The following USH1G variants were observed in gnomAD, a reference collection of about 807,000 sequenced individuals.
USH1G encodes USH1 protein network component sans, also known as pre-mRNA splicing regulator USH1G.
In USH1G, 27 loss-of-function variants were observed where a neutral mutation model predicts 31.9. That is an observed-to-expected ratio of 0.85 (90% confidence interval 0.62 to 1.17). The LOEUF (loss-of-function observed/expected upper bound fraction) is 1.17, where lower values mean the gene tolerates loss of function less well. Among genes scored for constraint, USH1G ranks in the 50% most tolerant of loss-of-function variants. USH1G has a pLI of 0.00. For missense variants in USH1G, 674 were observed against 638.9 expected, an observed-to-expected ratio of 1.05 and a Z score of -0.59; for synonymous variants, 266 against 283.2, an observed-to-expected ratio of 0.94 and a Z score of 0.61.
chr17:74,919,939 G>A lies in USH1G; in HGVS notation c.897C>T (p.Thr299=), dbSNP rs1342881435. The A allele has an allele frequency of 6.2e-7, 1 of 1,612,094 alleles. No homozygotes were observed. Among genetic ancestry groups the A allele is most frequent in the Non-Finnish European group, 8.5e-7 (1 of 1,179,210 alleles). ...AAEPAHSEVS[T]DSGHDSLFTR... Reference sequence around the variant, plus strand: ...TAAACAGGGAGTCGTGGCCTGAGTCGGTGCTGACCTCCGAGTGGGCAGGCT... The same window carrying A: ...TAAACAGGGAGTCGTGGCCTGAGTCAGTGCTGACCTCCGAGTGGGCAGGCT... The change falls in exon 2 of 3, where the codon ACC becomes ACT. Residue 299 remains threonine, a synonymous_variant. Coordinates refer to ENST00000614341, the MANE Select transcript of USH1G (RefSeq NM_173477.5). This position sits in a 1 kb window ranked among gnomAD's most constrained non-coding sequence, Gnocchi z 4.5.
rs1346189372 is a variant in USH1G, at chr17:74,919,908, G to A, written c.928C>T (p.Pro310Ser). The change falls in exon 2 of 3, where the codon CCC (proline) becomes TCC (serine). Residue 310 changes from proline (P) to serine (S), a missense_variant. Coordinates refer to ENST00000614341, the MANE Select transcript of USH1G (RefSeq NM_173477.5). This position sits in a 1 kb window ranked among gnomAD's most constrained non-coding sequence, Gnocchi z 4.5. ...CGGAACACCATGGTGCCCAGGCCGGGGCGGGTAAACAGGGAGTCGTGGCCT... is the reference window on the plus strand; with the variant it reads ...CGGAACACCATGGTGCCCAGGCCGGAGCGGGTAAACAGGGAGTCGTGGCCT... ...DSGHDSLFTR[P>S]GLGTMVFRRN... 2 of 1,613,236 alleles carry A rather than the reference G, an allele frequency of 1.2e-6. No homozygotes were observed. Among genetic ancestry groups the A allele is most frequent in the Non-Finnish European group, 1.7e-6 (2 of 1,179,898 alleles).
rs1001895630 is a variant in USH1G, at chr17:74,921,325, A to C, written c.165-654T>G. ...ACTGGAGGGGAGGAGGAGGGAAATC[A>C]GCTGCCCGTGCTCCGAAGCCCTCCC... On this transcript the variant is annotated intron_variant, in intron 1 of 2. Coordinates refer to ENST00000614341, the MANE Select transcript of USH1G (RefSeq NM_173477.5). This position sits in a 1 kb window ranked among gnomAD's most constrained non-coding sequence, Gnocchi z 4.6. Among the ~76,000 whole-genome samples, 7 of 151,996 alleles carry C rather than the reference A, an allele frequency of 4.6e-5. No homozygotes were observed. Among genetic ancestry groups the C allele is most frequent in the Non-Finnish European group, 1.0e-4 (7 of 67,938 alleles).
chr17:74,923,062 C>A lies in USH1G; in HGVS notation c.12G>T (p.Gln4His). 6.3e-7 allele frequency: 1 copy of A among 1,585,288 alleles called. No homozygotes were observed. Among genetic ancestry groups the A allele is most frequent in the Non-Finnish European group, 8.6e-7 (1 of 1,164,552 alleles). MND[Q>H]YHRAARDGYL... ...AGCCATCCCGGGCTGCCCGGTGGTA[C>A]TGGTCGTTCATGGCGCCCGAAGTGG... Residue 4 changes from glutamine to histidine, a missense_variant, in exon 1 of 3, where the codon CAG becomes CAT. Transcript: ENST00000614341. This position sits in a 1 kb window ranked among gnomAD's most constrained non-coding sequence, Gnocchi z 5.3.
chr17:74,919,925 T>C lies in USH1G; in HGVS notation c.911A>G (p.Asp304Gly), dbSNP rs2038916064. 1 of 1,611,610 alleles carries C rather than the reference T, an allele frequency of 6.2e-7. No homozygotes were observed. The highest frequency in any genetic ancestry group is 8.5e-7 in the Non-Finnish European group (1 of 1,179,476). ...HSEVSTDSGH[D>G]SLFTRPGLGT... ...CAGGCCGGGGCGGGTAAACAGGGAG[T>C]CGTGGCCTGAGTCGGTGCTGACCTC... The change falls in exon 2 of 3, where the codon GAC becomes GGC. Residue 304 changes from aspartate (D) to glycine (G), a missense_variant. Transcript: ENST00000614341. The surrounding 1 kb of genome is among the most constrained non-coding windows in gnomAD (Gnocchi z 4.5).
chr17:74,922,321 T>G (rs1248746889), intron 1 of USH1G, among the ~76,000 whole-genome samples: 1 of 148,586 alleles, frequency 6.7e-6, no homozygotes, highest in Non-Finnish European at 1.5e-5. Context: ...CCTCCACCAT[T>G]GCTTAGCTGT....
In USH1G at chr17:74,917,910, C is replaced by G; in HGVS notation, c.*163G>C. On this transcript the variant is annotated 3_prime_UTR_variant, in exon 3 of 3. Coordinates refer to ENST00000614341, the MANE Select transcript of USH1G (RefSeq NM_173477.5). ...GCCCCTCTGGTGCCTCCAGGCCACACCCTCAGCTTCAAGGTGCAGACAGAC... is the reference window on the plus strand; with the variant it reads ...GCCCCTCTGGTGCCTCCAGGCCACAGCCTCAGCTTCAAGGTGCAGACAGAC... 2 of 896,886 alleles carry G rather than the reference C, an allele frequency of 2.2e-6. No homozygotes were observed. The highest frequency in any genetic ancestry group is 3.6e-6 in the Non-Finnish European group (2 of 558,674). 55.6% of individuals were successfully genotyped at this position (896,886 alleles called of 1,614,324 possible). A position where few individuals can be genotyped will look rare whatever the true frequency, so the allele number is the denominator to read the frequency against.
rs1259338234 is a variant in USH1G, at chr17:74,920,678, G to T, written c.165-7C>A. Reference sequence around the variant, plus strand: ...ACACTTGTCCGGGTCACCCCTGCAGGGAAAGCATTCAGGAGGGACGAGTGA... The same window carrying T: ...ACACTTGTCCGGGTCACCCCTGCAGTGAAAGCATTCAGGAGGGACGAGTGA... On this transcript the variant is annotated splice_polypyrimidine_tract_variant and splice_region_variant and intron_variant, in intron 1 of 2. Coordinates refer to ENST00000614341, the MANE Select transcript of USH1G (RefSeq NM_173477.5). This position sits in a 1 kb window ranked among gnomAD's most constrained non-coding sequence, Gnocchi z 5.2. 1 of 1,613,360 alleles carries T rather than the reference G, an allele frequency of 6.2e-7. No homozygotes were observed. The highest frequency in any genetic ancestry group is 1.3e-5 in the African/African-American group (1 of 74,926).
Position 74,922,939 on chromosome 17 carries a change from G to C in USH1G, c.135C>G (p.Leu45=), listed in dbSNP as rs929326559. 8 of 1,548,714 alleles carry C rather than the reference G, an allele frequency of 5.2e-6. No homozygotes were observed. The highest frequency in any genetic ancestry group is 2.0e-5 in the Admixed American group (1 of 51,250). Residue 45 remains leucine (L), a synonymous_variant, in exon 1 of 3, where the codon CTC becomes CTG. Transcript: ENST00000614341. Reference sequence around the variant, plus strand: ...GGCTCACAATGAGACGCAGCGACTCGAGGTTGCCATGGTAGGCAGCCCAGA... The same window carrying C: ...GGCTCACAATGAGACGCAGCGACTCCAGGTTGCCATGGTAGGCAGCCCAGA... ...PTLWAAYHGN[L]ESLRLIVSRG...
At position 74,921,978 on chromosome 17, in the gene USH1G, G is replaced by C. The variant is rs985276592; in HGVS notation, c.164+932C>G. Among the ~76,000 whole-genome samples, 2 of 152,154 alleles carry C rather than the reference G, an allele frequency of 1.3e-5. No individual in the cohort carries two copies. The highest frequency in any genetic ancestry group is 4.8e-5 in the African/African-American group (2 of 41,426). On this transcript the variant is annotated intron_variant, in intron 1 of 2. Coordinates refer to ENST00000614341, the MANE Select transcript of USH1G (RefSeq NM_173477.5). The surrounding 1 kb of genome is among the most constrained non-coding windows in gnomAD (Gnocchi z 4.6). Reference sequence around the variant, plus strand: ...ATGTTCAGGCACTGGCCAGTACCTGGTACCGGGGCCAGCTAAGCCCCTGGC... The same window carrying C: ...ATGTTCAGGCACTGGCCAGTACCTGCTACCGGGGCCAGCTAAGCCCCTGGC...
At position 74,916,453 on chromosome 17, in the gene USH1G, G is replaced by A. The variant is rs1198590982; in HGVS notation, c.*1620C>T. ...TGGGAACCCCCAGACAGACCAGAAA[G>A]AGGCCTTTGAGGGCTCTCTTTCCCC... On this transcript the variant is annotated 3_prime_UTR_variant, in exon 3 of 3. Coordinates refer to ENST00000614341, the MANE Select transcript of USH1G (RefSeq NM_173477.5). 6.6e-6 allele frequency: 1 copy of A among 152,184 alleles called. No homozygotes were observed. Among genetic ancestry groups the A allele is most frequent in the East Asian group, 1.9e-4 (1 of 5,186 alleles). The allele number at this position is 152,184 out of a possible 1,614,324, so 9.4% of individuals were successfully genotyped here. A position where few individuals can be genotyped will look rare whatever the true frequency, so the allele number is the denominator to read the frequency against.
chr17:74,919,979 G>A lies in USH1G; in HGVS notation c.857C>T (p.Ala286Val). 6.2e-7 allele frequency: 1 copy of A among 1,612,118 alleles called. No individual in the cohort carries two copies. Among genetic ancestry groups the A allele is most frequent in the Non-Finnish European group, 8.5e-7 (1 of 1,179,342 alleles). The change falls in exon 2 of 3, where the codon GCC becomes GTC. Residue 286 changes from alanine to valine, a missense_variant. Transcript: ENST00000614341. This position sits in a 1 kb window ranked among gnomAD's most constrained non-coding sequence, Gnocchi z 4.5. Reference sequence around the variant, plus strand: ...GTGGGCAGGCTCGGCCGCCAGCGTGGCACGGGAGACGCTGTCCTCGTCCGA... The same window carrying A: ...GTGGGCAGGCTCGGCCGCCAGCGTGACACGGGAGACGCTGTCCTCGTCCGA... ...FLSDEDSVSR[A>V]TLAAEPAHSE... is the part of the protein sequence containing the mutation.
rs2144754513 is a variant in USH1G, at chr17:74,920,274, G to A, written c.562C>T (p.Arg188Cys). 10 of 1,603,578 alleles carry A rather than the reference G, an allele frequency of 6.2e-6. No homozygotes were observed. Among genetic ancestry groups the A allele is most frequent in the Middle Eastern group, 1.7e-4 (1 of 6,056 alleles). ...CCCAGCGCCAGATGCTGCAGCCGGCGGCTCAGGGTGCTGGACGTGAGGCTG... is the reference window on the plus strand; with the variant it reads ...CCCAGCGCCAGATGCTGCAGCCGGCAGCTCAGGGTGCTGGACGTGAGGCTG... ...FSSLTSSTLS[R>C]RLQHLALGSH... The change falls in exon 2 of 3, where the codon CGC (arginine) becomes TGC (cysteine). Residue 188 changes from arginine (R) to cysteine (C), a missense_variant. By Grantham distance (180) the Arg-to-Cys change is radical. Transcript: ENST00000614341. This position sits in a 1 kb window ranked among gnomAD's most constrained non-coding sequence, Gnocchi z 5.2.
chr17:74,921,615 G>A lies in USH1G; in HGVS notation c.165-944C>T, dbSNP rs1009374242. On this transcript the variant is annotated intron_variant, in intron 1 of 2. Coordinates refer to ENST00000614341, the MANE Select transcript of USH1G (RefSeq NM_173477.5). This position sits in a 1 kb window ranked among gnomAD's most constrained non-coding sequence, Gnocchi z 4.6. ...AACAGCTCCCCACACACCCCTTCCT[G>A]GGCCTCCCCTCCTGGCCGCCAAGTC... is the stretch of plus-strand genomic sequence containing the variant. Among the ~76,000 whole-genome samples, 3 of 152,108 alleles carry A rather than the reference G, an allele frequency of 2.0e-5. No homozygotes were observed. The highest frequency in any genetic ancestry group is 2.9e-5 in the Non-Finnish European group (2 of 67,994).
chr17:74,919,690 G>T lies in USH1G; in HGVS notation c.1146C>A (p.Asp382Glu). Residue 382 changes from aspartate (D) to glutamate (E), a missense_variant, in exon 2 of 3, where the codon GAC becomes GAA. Asp to Glu is a conservative substitution (Grantham distance 45, BLOSUM62 2). Transcript: ENST00000614341. This position sits in a 1 kb window ranked among gnomAD's most constrained non-coding sequence, Gnocchi z 4.5. ...GGCTAGTCTCGGGCTCCAGGTCCTCGTCCAAGCCTAAATCGAGCTCATCCC... is the reference window on the plus strand; with the variant it reads ...GGCTAGTCTCGGGCTCCAGGTCCTCTTCCAAGCCTAAATCGAGCTCATCCC... ...LPWDELDLGL[D>E]EDLEPETSPL... 6.2e-7 allele frequency: 1 copy of T among 1,612,834 alleles called. No homozygotes were observed. Among genetic ancestry groups the T allele is most frequent in the South Asian group, 1.1e-5 (1 of 91,078 alleles).
Position 74,920,120 on chromosome 17 carries a change from T to C in USH1G, c.716A>G (p.Lys239Arg). Reference protein sequence around the residue: ...GTFKVSEDGRKSARSLSGLQL... With the variant: ...GTFKVSEDGRRSARSLSGLQL... ...CAGGCCCGAGAGCGAGCGGGCGCTCTTGCGCCCATCCTCGGAGACCTTGAA... is the reference window on the plus strand; with the variant it reads ...CAGGCCCGAGAGCGAGCGGGCGCTCCTGCGCCCATCCTCGGAGACCTTGAA... The change falls in exon 2 of 3, where the codon AAG becomes AGG. Residue 239 changes from lysine to arginine, a missense_variant. By Grantham distance (26) the Lys-to-Arg change is conservative. Coordinates refer to ENST00000614341, the MANE Select transcript of USH1G (RefSeq NM_173477.5). This position sits in a 1 kb window ranked among gnomAD's most constrained non-coding sequence, Gnocchi z 5.2. The C allele has an allele frequency of 1.2e-6, 2 of 1,603,162 alleles. No individual in the cohort carries two copies. The highest frequency in any genetic ancestry group is 1.7e-6 in the Non-Finnish European group (2 of 1,179,752).
In USH1G at chr17:74,921,609, C is replaced by T. The variant is rs1407691530; in HGVS notation, c.165-938G>A. Among the ~76,000 whole-genome samples, 1 of 152,152 alleles carries T rather than the reference C, an allele frequency of 6.6e-6. No homozygotes were observed. Among genetic ancestry groups the T allele is most frequent in the Non-Finnish European group, 1.5e-5 (1 of 67,998 alleles). On this transcript the variant is annotated intron_variant, in intron 1 of 2. Transcript: ENST00000614341. The surrounding 1 kb of genome is among the most constrained non-coding windows in gnomAD (Gnocchi z 4.6). ...TGTCTCAACAGCTCCCCACACACCCCTTCCTGGGCCTCCCCTCCTGGCCGC... is the reference window on the plus strand; with the variant it reads ...TGTCTCAACAGCTCCCCACACACCCTTTCCTGGGCCTCCCCTCCTGGCCGC...
Position 74,920,531 on chromosome 17 carries a change from A to G in USH1G, c.305T>C (p.Leu102Pro). Residue 102 changes from leucine to proline, a missense_variant, in exon 2 of 3, where the codon CTG (leucine) becomes CCG (proline). By Grantham distance (98) the Leu-to-Pro change is moderately conservative. Transcript: ENST00000614341. This position sits in a 1 kb window ranked among gnomAD's most constrained non-coding sequence, Gnocchi z 5.2. ...WCLDNDYHTP[L>P]DMAAMKGHME... is the part of the protein sequence containing the mutation. Reference sequence around the variant, plus strand: ...GTGGCCCTTCATGGCAGCCATGTCCAGCGGCGTGTGGTAGTCGTTGTCTAG... The same window carrying G: ...GTGGCCCTTCATGGCAGCCATGTCCGGCGGCGTGTGGTAGTCGTTGTCTAG... The G allele has an allele frequency of 6.2e-7, 1 of 1,613,732 alleles. No homozygotes were observed. Among genetic ancestry groups the G allele is most frequent in the Non-Finnish European group, 8.5e-7 (1 of 1,180,036 alleles).
In USH1G at chr17:74,921,523, C is replaced by A. The variant is rs1472436331; in HGVS notation, c.165-852G>T. Among the ~76,000 whole-genome samples the A allele has an allele frequency of 1.3e-5, 2 of 152,162 alleles. No homozygotes were observed. Among genetic ancestry groups the A allele is most frequent in the Non-Finnish European group, 2.9e-5 (2 of 68,000 alleles). On this transcript the variant is annotated intron_variant, in intron 1 of 2. Coordinates refer to ENST00000614341, the MANE Select transcript of USH1G (RefSeq NM_173477.5). This position sits in a 1 kb window ranked among gnomAD's most constrained non-coding sequence, Gnocchi z 4.6. Reference sequence around the variant, plus strand: ...CCCTTGGGGGCCCAGCACAGCACCCCTGCCCTGCACTAATGAGGCCACAAG... The same window carrying A: ...CCCTTGGGGGCCCAGCACAGCACCCATGCCCTGCACTAATGAGGCCACAAG...
chr17:74,920,013 T>TGAG lies in USH1G; in HGVS notation c.822_823insCTC (p.Asp274_Met275insLeu). On this transcript the variant is annotated inframe_insertion, in exon 2 of 3. Transcript: ENST00000614341. The surrounding 1 kb of genome is among the most constrained non-coding windows in gnomAD (Gnocchi z 5.2). Reference sequence around the variant, plus strand: ...ACGCTGTCCTCGTCCGAGAGGAACATGTCCCGGAGCGGGGCTCGGCCCCAC... The same window carrying TGAG: ...ACGCTGTCCTCGTCCGAGAGGAACATGAGGTCCCGGAGCGGGGCTCGGCCCCAC... The TGAG allele has an allele frequency of 1.2e-6, 2 of 1,612,086 alleles. No homozygotes were observed. Among genetic ancestry groups the TGAG allele is most frequent in the Non-Finnish European group, 1.7e-6 (2 of 1,179,668 alleles).
Sources: allele counts gnomAD v4.1 joint callset (sites outside exome capture counted in the v4.1 genomes callset), GRCh38; gene constraint gnomAD v4.1.1; non-coding constraint Gnocchi (gnomAD v3.1); transcripts MANE v1.5; gene names NCBI Gene and HGNC (gene_info 2026-07-23, HGNC 2026-07-21).